Variants in MAX observed in about 807,000 individuals in gnomAD.
MAX encodes protein max.
MAX carries 3 observed loss-of-function variants against 22.3 expected under a neutral mutation model. The observed-to-expected ratio is 0.13, with a 90% confidence interval of 0.06 to 0.35. The LOEUF is 0.35. Among genes scored for constraint, MAX ranks in the 10% least tolerant of loss-of-function variants. The probability of loss-of-function intolerance (pLI) is 1.00; values close to 1 mark genes in which losing one functional copy is unlikely to be tolerated. For synonymous variants in MAX, 72 were observed against 77.7 expected (o/e 0.93, Z 0.39); for missense variants, 119 against 209.4 (o/e 0.57, Z 2.66).
chr14:65,015,692 C>G (rs764508897), intron 3 of MAX: 1 of 1,614,120 alleles, frequency 6.2e-7, no homozygotes, highest in South Asian at 1.1e-5. Flanking sequence ...CTAGATGAAC[C>G]CATCCCCCAG....
chr14:65,009,289 T>G lies in MAX; in HGVS notation c.172-3005A>C, dbSNP rs951749281. On this transcript the variant is annotated intron_variant, in intron 3 of 3. Coordinates refer to the MAX transcript ENST00000341653. The surrounding 1 kb of genome is among the most constrained non-coding windows in gnomAD (Gnocchi z 4.2). ...AGACCAAGGTGTCAGCAGGCTTGGT[T>G]TCTCCTGAGGCTGCTGACTGGCTTC... 1.3e-5 allele frequency among the ~76,000 whole-genome samples: 2 copies of G among 152,150 alleles called. No homozygotes were observed. Among genetic ancestry groups the G allele is most frequent in the Admixed American group, 1.3e-4 (2 of 15,266 alleles).
chr14:65,015,019 C>T (rs535345237), intron 3 of MAX, among the ~76,000 whole-genome samples: 3 of 152,136 alleles, frequency 2.0e-5, no homozygotes, highest in East Asian at 3.9e-4. Flanking sequence ...GTCCTCTGCT[C>T]AGCCTTCCTT....
chr14:65,081,836 G>A (rs567705509), intron 3 of MAX, among the ~76,000 whole-genome samples: 7 of 152,316 alleles, frequency 4.6e-5, no homozygotes, highest in Admixed American at 1.3e-4. Flanking sequence ...AGGGACTGAA[G>A]AGGTAGCCAG....
At chr14:65,053,780 G>A (rs1160592250) in intron 3 of MAX, among the ~76,000 whole-genome samples, 2 of 152,106 alleles carry the variant, frequency 1.3e-5, no homozygotes, top group Non-Finnish European at 2.9e-5. Flanking sequence ...TTAGAAAAAG[G>A]GAAATAAAAT....
At chr14:65,037,744 A>ATTTTTTT (rs752876214) in intron 3 of MAX, among the ~76,000 whole-genome samples, 5 of 59,008 alleles carry the variant, frequency 8.5e-5, no homozygotes, top group Non-Finnish European at 1.7e-4. Flanking sequence ...TTTATTTATT[A>ATTTTTTT]TTTATTTATT....
intron 3 of MAX, among the ~76,000 whole-genome samples, chr14:65,048,834 G>A (rs535407483): frequency 4.0e-4 from 61 of 152,134 alleles, no homozygotes; most frequent in African/African-American, 1.4e-3. Flanking sequence ...CTGAGCGACA[G>A]AGCAAGACTT....
At chr14:65,061,184 C>G (rs1233740600) in intron 3 of MAX, 3 of 1,614,004 alleles carry the variant, frequency 1.9e-6, no homozygotes, top group Non-Finnish European at 2.5e-6. Flanking sequence ...TTTGCAGCAG[C>G]CCACTCACCC....
chr14:65,070,641 A>C (rs557310887), downstream of MAX, among the ~76,000 whole-genome samples: 1 of 152,344 alleles, frequency 6.6e-6, no homozygotes, highest in Non-Finnish European at 1.5e-5. This position sits in a 1 kb window ranked among gnomAD's most constrained non-coding sequence, Gnocchi z 4.4. Flanking sequence ...GAGCGTGCAC[A>C]TGGGATCCAG....
At chr14:65,026,946 G>A (rs2061993720) in intron 3 of MAX, among the ~76,000 whole-genome samples, 1 of 152,162 alleles carries the variant, frequency 6.6e-6, no homozygotes, top group Non-Finnish European at 1.5e-5. Context: ...GGCAATGGGA[G>A]TGAGAAGACC....
chr14:65,008,110 C>T (rs935260692), intron 3 of MAX, among the ~76,000 whole-genome samples: 3 of 152,322 alleles, frequency 2.0e-5, no homozygotes, highest in African/African-American at 7.2e-5. Context: ...TCCAAGGTCT[C>T]ACAAATAAGT....
chr14:65,079,213 G>T lies in MAX; in HGVS notation c.172-1177C>A, dbSNP rs115329052. Among the ~76,000 whole-genome samples the T allele has an allele frequency of 1.0e-3, 158 of 152,274 alleles. 2 individuals are homozygous for T. The highest frequency in any genetic ancestry group is 1.9e-3 in the Non-Finnish European group (131 of 68,018). On this transcript the variant is annotated intron_variant, in intron 3 of 4. Coordinates refer to ENST00000358664, the MANE Select transcript of MAX (RefSeq NM_002382.5). This position sits in a 1 kb window ranked among gnomAD's most constrained non-coding sequence, Gnocchi z 4.5. ...CTCTGAAACCACTGTTAACTATTCC[G>T]AACTGAACAATGCTGCTGTGTCACT...
In MAX at chr14:65,077,086, A is replaced by C; in HGVS notation, c.296-423T>G. Reference sequence around the variant, plus strand: ...ACATAAGACGTATCAGCCAAAGAACAGTTTTGGCTTAGCTCTCGTGTACAA... The same window carrying C: ...ACATAAGACGTATCAGCCAAAGAACCGTTTTGGCTTAGCTCTCGTGTACAA... On this transcript the variant is annotated intron_variant, in intron 4 of 4. Coordinates refer to ENST00000358664, the MANE Select transcript of MAX (RefSeq NM_002382.5). The surrounding 1 kb of genome is among the most constrained non-coding windows in gnomAD (Gnocchi z 6.3). 1.7e-6 allele frequency: 1 copy of C among 577,628 alleles called. No individual in the cohort carries two copies. The highest frequency in any genetic ancestry group is 3.1e-6 in the Non-Finnish European group (1 of 326,506). 35.8% of individuals were successfully genotyped at this position (577,628 alleles called of 1,614,324 possible). A position where few individuals can be genotyped will look rare whatever the true frequency, so the allele number is the denominator to read the frequency against.
intron 3 of MAX, chr14:65,015,822 C>A: frequency 7.6e-7 from 1 of 1,308,034 alleles, no homozygotes; most frequent in Non-Finnish European, 1.1e-6. Context: ...AAAAACAGTG[C>A]CACAAAGAAA....
At chr14:65,008,621 G>T (rs1033129483) in intron 3 of MAX, among the ~76,000 whole-genome samples, 1 of 152,242 alleles carries the variant, frequency 6.6e-6, no homozygotes, top group African/African-American at 2.4e-5. Context: ...GTGGAATAGG[G>T]GTGGCTAACT....
In MAX at chr14:65,054,013, AT is replaced by A; in HGVS notation, c.171+39694del. On this transcript the variant is annotated intron_variant, in intron 3 of 3. Transcript: ENST00000341653. The surrounding 1 kb of genome is among the most constrained non-coding windows in gnomAD (Gnocchi z 4.4). ...GACAGCTGGAGAGACTGACTTTAAA[AT>A]TACAGTTTCCTTTAATAGTTTAAGG... Among the ~76,000 whole-genome samples the A allele has an allele frequency of 6.6e-6, 1 of 152,362 alleles. No individual in the cohort carries two copies. The highest frequency in any genetic ancestry group is 1.9e-4 in the East Asian group (1 of 5,190).
At chr14:65,061,162 C>T (rs758946474) in intron 3 of MAX, 1 of 1,613,426 alleles carries the variant, frequency 6.2e-7, no homozygotes, top group Non-Finnish European at 8.5e-7. Flanking sequence ...TTAACTGGCA[C>T]CTTTTCTTCT....
At chr14:65,058,741 T>G (rs2062798567) in intron 3 of MAX, among the ~76,000 whole-genome samples, 1 of 152,210 alleles carries the variant, frequency 6.6e-6, no homozygotes, top group Admixed American at 6.5e-5. Flanking sequence ...ATATGATATG[T>G]TTCATTAATA....
exon 4 of MAX, chr14:65,006,202 G>A (rs1240732828): frequency 6.6e-7 from 1 of 1,517,238 alleles, no homozygotes; most frequent in Non-Finnish European, 8.8e-7. Flanking sequence ...AACTTTTTCT[G>A]ATTAGCCATG....
rs2062024231 is a variant in MAX at position 65,028,553 on chromosome 14, T to G, written c.172-22269A>C. On this transcript the variant is annotated intron_variant, in intron 3 of 3. Coordinates refer to the MAX transcript ENST00000341653. The surrounding 1 kb of genome is among the most constrained non-coding windows in gnomAD (Gnocchi z 4.4). Reference sequence around the variant, plus strand: ...TGCTTCTACACAAGTTGATTAATAGTCTGGCTTAAGCATCTGGTTTAACCA... The same window carrying G: ...TGCTTCTACACAAGTTGATTAATAGGCTGGCTTAAGCATCTGGTTTAACCA... Among the ~76,000 whole-genome samples, 1 of 152,222 alleles carries G rather than the reference T, an allele frequency of 6.6e-6. No homozygotes were observed. Among genetic ancestry groups the G allele is most frequent in the African/African-American group, 2.4e-5 (1 of 41,448 alleles).
Sources: gnomAD v4.1 joint callset for allele counts (sites outside exome capture counted in the v4.1 genomes callset) on GRCh38, gnomAD v4.1.1 for gene constraint, Gnocchi (gnomAD v3.1) non-coding constraint, MANE v1.5 for transcripts, NCBI Gene and HGNC (gene_info 2026-07-23, HGNC 2026-07-21) for gene names.